The following LRRC4C variants were observed in gnomAD, a reference collection of about 807,000 sequenced individuals.
The protein encoded by LRRC4C is leucine-rich repeat-containing protein 4C.
In LRRC4C, 5 loss-of-function variants were observed where a neutral mutation model predicts 33.6. The ratio of observed to expected loss-of-function variants is 0.15; its 90% CI spans 0.08 to 0.31. The LOEUF is 0.31. LRRC4C is among the 10% of genes least tolerant of loss of function. The probability of loss-of-function intolerance (pLI) is 1.00; values close to 1 mark genes in which losing one functional copy is unlikely to be tolerated. For missense variants in LRRC4C, 560 were observed against 796.7 expected (o/e 0.70, Z 3.58); for synonymous variants, 329 against 302.0 (o/e 1.09, Z -0.93).
At chr11:41,109,959 T>A (rs984037682) in intron 1 of LRRC4C, among the ~76,000 whole-genome samples, 2 of 152,046 alleles carry the variant, frequency 1.3e-5, no homozygotes, top group Non-Finnish European at 2.9e-5. Flanking sequence ...ATTTTTCCTC[T>A]ACAACAGCGT....
chr11:41,216,460 T>TA (rs75829426), intron 1 of LRRC4C, among the ~76,000 whole-genome samples: 3,030 of 128,464 alleles, frequency 0.024, 66 homozygotes, highest in African/African-American at 0.071. Flanking sequence ...CATTCTTAAG[T>TA]AAAAAAAAAA....
At position 41,099,886 on chromosome 11, in the gene LRRC4C, G is replaced by A. The variant is rs375964963; in HGVS notation, c.-495-166163C>T. ...TAAAGGGTATCCAAATAGGAAGAAA[G>A]GATGTCAAACTATCTCTCTTTGTAG... On this transcript the variant is annotated intron_variant, in intron 1 of 6. Transcript: ENST00000528697. Among the ~76,000 whole-genome samples the A allele has an allele frequency of 4.6e-5, 7 of 152,218 alleles. No homozygotes were observed. The East Asian group carries it at 1.4e-3, about 29-fold the overall frequency.
intron 2 of LRRC4C, among the ~76,000 whole-genome samples, chr11:40,725,849 C>T (rs1277139050): frequency 6.6e-6 from 1 of 152,114 alleles, no homozygotes. Flanking sequence ...ATTGCTTGAG[C>T]TGCAAGCCTA....
intron 1 of LRRC4C, among the ~76,000 whole-genome samples, chr11:41,150,791 TAAAATAAAATA>T (rs945458984): frequency 5.7e-3 from 11 of 1,942 alleles, no homozygotes; most frequent in South Asian, 0.12. Flanking sequence ...AATAAATAAA[TAAAATAAAATA>T]AAATAAAATA....
At chr11:40,301,237 C>T (rs1326653810) in intron 4 of LRRC4C, among the ~76,000 whole-genome samples, 7 of 152,134 alleles carry the variant, frequency 4.6e-5, no homozygotes, top group African/African-American at 1.7e-4. Context: ...TTCTGAATGG[C>T]CTTCAACTCA....
In LRRC4C at chr11:40,583,147, T is replaced by C. The variant is rs141665379; in HGVS notation, c.-270+64995A>G. ...CCTTTCTTTCACCCAACTTTTCCCA[T>C]TCTATAAATTCCCGTTCTCGGGTGA... On this transcript the variant is annotated intron_variant, in intron 3 of 6. Transcript: ENST00000528697. 3.5e-3 allele frequency among the ~76,000 whole-genome samples: 538 copies of C among 152,270 alleles called. 2 individuals are homozygous for C. The highest frequency in any genetic ancestry group is 6.7e-3 in the Admixed American group (102 of 15,290).
chr11:40,901,331 A>AGG (rs1169232620), intron 2 of LRRC4C, among the ~76,000 whole-genome samples: 6 of 152,080 alleles, frequency 3.9e-5, no homozygotes, highest in Non-Finnish European at 7.4e-5. Context: ...TATAACTCCA[A>AGG]GGGCTAACAG....
chr11:41,151,620 A>G (rs960672103), intron 1 of LRRC4C, among the ~76,000 whole-genome samples: 3 of 152,198 alleles, frequency 2.0e-5, no homozygotes, highest in Non-Finnish European at 4.4e-5. Context: ...TAAAGGTTTC[A>G]TAGACATGAA....
intron 1 of LRRC4C, among the ~76,000 whole-genome samples, chr11:41,270,087 T>C (rs1591115908): frequency 6.6e-6 from 1 of 152,250 alleles, no homozygotes; most frequent in East Asian, 1.9e-4. Flanking sequence ...TACAGAATAT[T>C]GAAAGAATTA....
intron 3 of LRRC4C, among the ~76,000 whole-genome samples, chr11:40,612,986 A>T (rs1399571842): frequency 6.6e-6 from 1 of 151,900 alleles, no homozygotes; most frequent in Non-Finnish European, 1.5e-5. Context: ...TGGTGAAAAA[A>T]ATACTTTATA....
At chr11:41,109,490 C>A (rs540672857) in intron 1 of LRRC4C, among the ~76,000 whole-genome samples, 1 of 152,170 alleles carries the variant, frequency 6.6e-6, no homozygotes, top group Non-Finnish European at 1.5e-5. Context: ...AGAAAACTTA[C>A]ATTGCTTTGG....
chr11:41,103,545 T>C (rs1220966239), intron 1 of LRRC4C, among the ~76,000 whole-genome samples: 2 of 150,992 alleles, frequency 1.3e-5, no homozygotes, highest in Admixed American at 6.6e-5. Context: ...GGTATAGACA[T>C]AGAAATGAGT....
intron 1 of LRRC4C, among the ~76,000 whole-genome samples, chr11:41,262,155 GC>G (rs1232604992): frequency 1.3e-5 from 2 of 151,866 alleles, no homozygotes; most frequent in Non-Finnish European, 2.9e-5. Context: ...CTAAAGGCTG[GC>G]ATACTATGGT....
intron 3 of LRRC4C, among the ~76,000 whole-genome samples, chr11:40,630,377 C>A (rs375485834): frequency 8.8e-6 from 1 of 114,144 alleles, no homozygotes; most frequent in Non-Finnish European, 2.0e-5. Context: ...TCTTCTTCTT[C>A]TTCTTCTTCT....
intron 1 of LRRC4C, among the ~76,000 whole-genome samples, chr11:41,295,684 T>C (rs903954430): frequency 1.3e-5 from 2 of 152,048 alleles, no homozygotes; most frequent in Non-Finnish European, 2.9e-5. Context: ...CCTTCACAGA[T>C]CACAATATCA....
At chr11:40,461,790 G>A (rs1952410112) in intron 3 of LRRC4C, among the ~76,000 whole-genome samples, 1 of 151,024 alleles carries the variant, frequency 6.6e-6, no homozygotes, top group Admixed American at 6.6e-5. Flanking sequence ...ATTTGGTGAA[G>A]ATTATTACTT....
At chr11:41,164,994 C>T (rs1366018238) in intron 1 of LRRC4C, among the ~76,000 whole-genome samples, 1 of 152,122 alleles carries the variant, frequency 6.6e-6, no homozygotes, top group Non-Finnish European at 1.5e-5. Flanking sequence ...AACCTGCTCT[C>T]CATTATCTCA....
intron 3 of LRRC4C, among the ~76,000 whole-genome samples, chr11:40,612,260 C>T (rs1172550505): frequency 6.6e-6 from 1 of 151,840 alleles, no homozygotes; most frequent in Non-Finnish European, 1.5e-5. Flanking sequence ...ACCTTGAAGA[C>T]ATTACGCAAA....
intron 4 of LRRC4C, among the ~76,000 whole-genome samples, chr11:40,268,871 A>G (rs1942478055): frequency 6.6e-6 from 1 of 152,126 alleles, no homozygotes; most frequent in Non-Finnish European, 1.5e-5. Flanking sequence ...GATCCTATGC[A>G]TAGCCAGGAC....
Sources: gnomAD v4.1 joint callset for allele counts (sites outside exome capture counted in the v4.1 genomes callset) on GRCh38, gnomAD v4.1.1 for gene constraint, MANE v1.5 for transcripts, NCBI Gene and HGNC (gene_info 2026-07-23, HGNC 2026-07-21) for gene names.